CFAP77: variants seen among roughly 807,000 people sequenced by gnomAD.
The protein encoded by CFAP77 is cilia and flagella associated protein 77.
CFAP77 carries 25 observed loss-of-function variants against 31.1 expected under a neutral mutation model. That is an observed-to-expected ratio of 0.80 (90% CI 0.59 to 1.12). The LOEUF (loss-of-function observed/expected upper bound fraction) is 1.12, where lower values mean the gene tolerates loss of function less well. CFAP77 is among the 50% of genes most tolerant of loss of function. The pLI, the probability that CFAP77 is intolerant of heterozygous loss-of-function variation, is 0.00. For missense variants in CFAP77, 377 were observed against 397.3 expected (o/e 0.95, Z 0.44); for synonymous variants, 151 against 159.9 (o/e 0.94, Z 0.42).
chr9:132,478,211 T>C (rs1002019654), intron 1 of CFAP77, among the ~76,000 whole-genome samples: 1 of 152,122 alleles, frequency 6.6e-6, no homozygotes, highest in African/African-American at 2.4e-5. Flanking sequence ...AGCCTGTAGC[T>C]TTTTACTATC....
chr9:132,429,655 TAAC>T (rs1850376275), intron 1 of CFAP77, among the ~76,000 whole-genome samples: 1 of 137,872 alleles, frequency 7.3e-6, no homozygotes, highest in East Asian at 2.2e-4. Flanking sequence ...CCATCCTGGC[TAAC>T]ACGGCGAAAC....
In CFAP77 at chr9:132,410,382, C is replaced by G. The variant is rs563875276; in HGVS notation, c.111C>G (p.Thr37=). Residue 37 remains threonine, a synonymous_variant, in exon 1 of 6, where the codon ACC becomes ACG. Coordinates refer to ENST00000393216, the MANE Select transcript of CFAP77 (RefSeq NM_001282957.2). Reference sequence around the variant, plus strand: ...GCCCGCCCCCGCGGCGGCCCCTGACCGTGGCGGACATCCGTTCCGGCATGG... The same window carrying G: ...GCCCGCCCCCGCGGCGGCCCCTGACGGTGGCGGACATCCGTTCCGGCATGG... The part of the protein sequence containing the change: ...QVCPPPRRPL[T]VADIRSGMEN... The G allele has an allele frequency of 6.2e-7, 1 of 1,600,222 alleles. No homozygotes were observed. The highest frequency in any genetic ancestry group is 2.3e-5 in the East Asian group (1 of 43,242).
intron 1 of CFAP77, among the ~76,000 whole-genome samples, chr9:132,427,539 C>G (rs559482216): frequency 6.6e-6 from 1 of 152,194 alleles, no homozygotes; most frequent in South Asian, 2.1e-4. Flanking sequence ...CGCTTGAACC[C>G]GGGAGGCGGA....
At chr9:132,522,789 C>T (rs779794637) in intron 3 of CFAP77, among the ~76,000 whole-genome samples, 5 of 152,180 alleles carry the variant, frequency 3.3e-5, no homozygotes, top group African/African-American at 9.7e-5. Flanking sequence ...GGAAAACAAA[C>T]GGCCTGGAGA....
intron 1 of CFAP77, among the ~76,000 whole-genome samples, chr9:132,428,090 C>T (rs1161276214): frequency 1.3e-5 from 2 of 151,938 alleles, no homozygotes; most frequent in Non-Finnish European, 2.9e-5. Flanking sequence ...CCTTGACCTC[C>T]TGGCTCAAGT....
intron 5 of CFAP77, among the ~76,000 whole-genome samples, chr9:132,560,946 G>A (rs1852985977): frequency 6.6e-6 from 1 of 152,194 alleles, no homozygotes; most frequent in Non-Finnish European, 1.5e-5. Flanking sequence ...GTCGGGTCCT[G>A]TGTCCTTGCT....
rs370666518 is a variant in CFAP77, at chr9:132,570,359, C to T, written c.733-2029C>T. 2.4e-4 allele frequency among the ~76,000 whole-genome samples: 36 copies of T among 152,336 alleles called. No homozygotes were observed. In the South Asian group the frequency reaches 6.6e-3, roughly 28 times the overall value. Reference sequence around the variant, plus strand: ...CGCTCTGACCTGAGGGGCTCAGTAGCTTTTGGGCTGGGCTCAGGCCTCTCC... The same window carrying T: ...CGCTCTGACCTGAGGGGCTCAGTAGTTTTTGGGCTGGGCTCAGGCCTCTCC... On this transcript the variant is annotated intron_variant, in intron 5 of 5. Coordinates refer to ENST00000393216, the MANE Select transcript of CFAP77 (RefSeq NM_001282957.2).
At chr9:132,411,987 G>GTGTAAAATGTATGTACATATA (rs1850014121) in intron 1 of CFAP77, among the ~76,000 whole-genome samples, 1 of 152,066 alleles carries the variant, frequency 6.6e-6, no homozygotes, top group Non-Finnish European at 1.5e-5. Flanking sequence ...ATGTACATAT[G>GTGTAAAATGTATGTACATATA]TGTAAAATGT....
At chr9:132,538,602 C>A (rs1362935641) in intron 4 of CFAP77, among the ~76,000 whole-genome samples, 1 of 152,064 alleles carries the variant, frequency 6.6e-6, no homozygotes, top group Non-Finnish European at 1.5e-5. Flanking sequence ...CATGGTGAAA[C>A]TCCTGTCTCT....
chr9:132,476,468 C>T (rs1851348248), intron 1 of CFAP77, among the ~76,000 whole-genome samples: 1 of 152,008 alleles, frequency 6.6e-6, no homozygotes, highest in South Asian at 2.1e-4. Context: ...TGGTGTCTGT[C>T]TGAGCAGATG....
intron 1 of CFAP77, among the ~76,000 whole-genome samples, chr9:132,448,382 T>A (rs1850764922): frequency 6.6e-6 from 1 of 152,176 alleles, no homozygotes; most frequent in South Asian, 2.1e-4. Flanking sequence ...GGCAGTGTAA[T>A]GTTGTGTTAA....
At chr9:132,532,717 C>T (rs1415671109) in intron 3 of CFAP77, among the ~76,000 whole-genome samples, 2 of 152,064 alleles carry the variant, frequency 1.3e-5, no homozygotes, top group African/African-American at 4.8e-5. Flanking sequence ...AGGGTAAGTT[C>T]TGAGGTTCTG....
At chr9:132,489,186 CT>C (rs1564224770) in intron 1 of CFAP77, among the ~76,000 whole-genome samples, 1 of 152,170 alleles carries the variant, frequency 6.6e-6, no homozygotes, top group Non-Finnish European at 1.5e-5. Context: ...TAAGGAGTGC[CT>C]CTTAAAAGAC....
At chr9:132,572,074 G>T (rs888848847) in intron 5 of CFAP77, among the ~76,000 whole-genome samples, 5 of 152,076 alleles carry the variant, frequency 3.3e-5, no homozygotes, top group African/African-American at 1.2e-4. Context: ...TGGTGGAAAA[G>T]TAGTGCATGA....
At chr9:132,427,439 C>T (rs1850336193) in intron 1 of CFAP77, among the ~76,000 whole-genome samples, 1 of 152,130 alleles carries the variant, frequency 6.6e-6, no homozygotes, top group Non-Finnish European at 1.5e-5. Context: ...GGCTGCCTAA[C>T]GAATGACCAC....
intron 5 of CFAP77, among the ~76,000 whole-genome samples, chr9:132,551,141 T>A (rs1039658906): frequency 1.3e-4 from 20 of 151,242 alleles, no homozygotes; most frequent in Admixed American, 2.6e-4. Context: ...GAAAAAAAAA[T>A]GTGGGCAGTT....
intron 3 of CFAP77, chr9:132,513,447 C>T (rs554490310): frequency 8.4e-5 from 116 of 1,387,012 alleles, no homozygotes; most frequent in South Asian, 7.6e-4. Flanking sequence ...TCAGCCCCTC[C>T]CCGTCTTCCC....
At chr9:132,566,384 G>A (rs1829884573) in intron 5 of CFAP77, among the ~76,000 whole-genome samples, 1 of 152,200 alleles carries the variant, frequency 6.6e-6, no homozygotes, top group Admixed American at 6.5e-5. Flanking sequence ...TGGAGACAAC[G>A]ATGGTGCCGG....
intron 5 of CFAP77, among the ~76,000 whole-genome samples, chr9:132,556,233 C>T (rs1852903752): frequency 6.6e-6 from 1 of 152,186 alleles, no homozygotes; most frequent in South Asian, 2.1e-4. Context: ...ACAGTCCCTT[C>T]ACTAACTTCT....
Sources: gnomAD v4.1 joint callset for allele counts (sites outside exome capture counted in the v4.1 genomes callset) on GRCh38, gnomAD v4.1.1 for gene constraint, MANE v1.5 for transcripts, NCBI Gene and HGNC (gene_info 2026-07-23, HGNC 2026-07-21) for gene names.